Variants in ZNF532 observed in about 807,000 individuals in gnomAD.
ZNF532 encodes the protein zinc finger protein 532.
Under a neutral mutation model 89.3 loss-of-function variants are expected in ZNF532, and 22 were observed. That is an observed-to-expected ratio of 0.25 (90% CI 0.18 to 0.35). The LOEUF (loss-of-function observed/expected upper bound fraction) is 0.35. Among genes scored for constraint, ZNF532 ranks in the 10% least tolerant of loss-of-function variants. ZNF532 has a pLI of 1.00. For synonymous variants in ZNF532, 606 were observed against 649.6 expected (o/e 0.93, Z 1.02); for missense variants, 1,132 against 1,643.4 (o/e 0.69, Z 5.38).
At chr18:58,893,176 A>C (rs1280032087) in intron 2 of ZNF532, among the ~76,000 whole-genome samples, 1 of 151,778 alleles carries the variant, frequency 6.6e-6, no homozygotes, top group Non-Finnish European at 1.5e-5. Flanking sequence ...GCGGGGTTTC[A>C]TGTGTTGGCC....
At chr18:58,964,647 C>T (rs934067960) in intron 7 of ZNF532, among the ~76,000 whole-genome samples, 16 of 150,402 alleles carry the variant, frequency 1.1e-4, no homozygotes, top group Admixed American at 7.3e-4. Context: ...AGTGCAGTGG[C>T]GTGATCATAG....
intron 7 of ZNF532, among the ~76,000 whole-genome samples, chr18:58,958,029 G>A (rs560700020): frequency 6.9e-6 from 1 of 145,506 alleles, no homozygotes; most frequent in Admixed American, 7.3e-5. Flanking sequence ...TTGTGCCACT[G>A]CATTCCAGCC....
At chr18:58,956,153 G>A (rs2064752906) in intron 7 of ZNF532, among the ~76,000 whole-genome samples, 1 of 152,244 alleles carries the variant, frequency 6.6e-6, no homozygotes, top group South Asian at 2.1e-4. Flanking sequence ...GGGATGAAAT[G>A]TACCACTGAT....
At position 58,984,601 on chromosome 18, in the gene ZNF532, C is replaced by A. The variant is rs949051109; in HGVS notation, c.*135C>A. On this transcript the variant is annotated 3_prime_UTR_variant, in exon 10 of 10. Coordinates refer to ENST00000591808, the MANE Select transcript of ZNF532 (RefSeq NM_001375912.1). ...ATATATTCTCTTTCAATGTACCTTC[C>A]TTCACCTCGTCGTATATATCCTCGA... is the stretch of plus-strand genomic sequence containing the variant. 2.8e-6 allele frequency: 3 copies of A among 1,083,796 alleles called. No homozygotes were observed. The African/African-American group carries it at 4.8e-5, about 17-fold the overall frequency. The allele number at this position is 1,083,796 out of a possible 1,614,324, so 67.1% of individuals were successfully genotyped here.
intron 2 of ZNF532, among the ~76,000 whole-genome samples, chr18:58,880,880 G>A (rs1723301500): frequency 6.6e-6 from 1 of 151,994 alleles, no homozygotes; most frequent in African/African-American, 2.4e-5. Flanking sequence ...TAAGCACATA[G>A]TTTAGCACTT....
rs1203410335 is a variant in ZNF532 at position 58,920,226 on chromosome 18, A to T, written c.1939A>T (p.Asn647Tyr). 1 of 1,613,900 alleles carries T rather than the reference A, an allele frequency of 6.2e-7. No homozygotes were observed. Reference protein sequence around the residue: ...RRSVRIEVTCNHCTKNLVFYN... With the variant: ...RRSVRIEVTCYHCTKNLVFYN... ...GAGCGTGCGCATCGAAGTAACGTGC[A>T]ACCATTGTACAAAGAACCTCGTTTT... The change falls in exon 3 of 10, where the codon AAC becomes TAC. Residue 647 changes from asparagine to tyrosine, a missense_variant. This residue lies in a region of ZNF532 where 70 missense variants were observed against 152.1 expected (regional missense o/e 0.46). Coordinates refer to ENST00000591808, the MANE Select transcript of ZNF532 (RefSeq NM_001375912.1).
rs543466762 is a variant in ZNF532 at position 58,880,953 on chromosome 18, T to A, written c.-18+15374T>A. Among the ~76,000 whole-genome samples the A allele has an allele frequency of 1.6e-4, 24 of 152,268 alleles. 1 individual carries two copies. In the East Asian group the frequency reaches 4.4e-3, roughly 28 times the overall value. On this transcript the variant is annotated intron_variant, in intron 2 of 9. Coordinates refer to ENST00000591808, the MANE Select transcript of ZNF532 (RefSeq NM_001375912.1). ...TAGATGGCTCAGAATTTTAAAAAAA[T>A]TCTCTTCTAATCTTGAATGTTAGGA...
intron 7 of ZNF532, among the ~76,000 whole-genome samples, chr18:58,967,075 T>G (rs911154960): frequency 6.6e-6 from 1 of 152,200 alleles, no homozygotes; most frequent in African/African-American, 2.4e-5. Flanking sequence ...ATTAAAGTAA[T>G]AGCAAGACAA....
At chr18:58,981,149 T>G (rs767033619) in intron 8 of ZNF532, 10 of 289,444 alleles carry the variant, frequency 3.5e-5, no homozygotes, top group Non-Finnish European at 4.5e-5. Context: ...ACAGGGATAA[T>G]TAACAGCAGC....
intron 7 of ZNF532, among the ~76,000 whole-genome samples, chr18:58,963,175 A>G (rs1283890672): frequency 6.6e-6 from 1 of 152,256 alleles, no homozygotes; most frequent in Non-Finnish European, 1.5e-5. Flanking sequence ...GATTTACAGC[A>G]TTAGTAAGTC....
chr18:58,918,746 G>A lies in ZNF532; in HGVS notation c.459G>A (p.Glu153=), dbSNP rs763728857. The change falls in exon 3 of 10, where the codon GAG becomes GAA. Residue 153 remains glutamate, a synonymous_variant. Transcript: ENST00000591808. ...KIEVDDPPDK[E]DMRSSFRSNV... ...AGGTGGATGACCCCCCTGACAAGGA[G>A]GACATGCGATCAAGCTTCAGGTCGA... 7 of 1,614,090 alleles carry A rather than the reference G, an allele frequency of 4.3e-6. No homozygotes were observed. Among genetic ancestry groups the A allele is most frequent in the Non-Finnish European group, 5.9e-6 (7 of 1,180,046 alleles).
At chr18:58,900,625 C>T (rs1289872628) in intron 2 of ZNF532, among the ~76,000 whole-genome samples, 1 of 152,156 alleles carries the variant, frequency 6.6e-6, no homozygotes, top group Non-Finnish European at 1.5e-5. Context: ...GTCACCTGCC[C>T]CTCCCTGTCC....
chr18:58,870,829 G>A (rs923603811), intron 2 of ZNF532, among the ~76,000 whole-genome samples: 2 of 152,104 alleles, frequency 1.3e-5, no homozygotes, highest in African/African-American at 2.4e-5. Flanking sequence ...GAGACTGGGT[G>A]TTCTGTCTTT....
rs747931061 is a variant in ZNF532 at position 58,953,757 on chromosome 18, G to C, written c.3108G>C (p.Gln1036His). 1 of 1,614,152 alleles carries C rather than the reference G, an allele frequency of 6.2e-7. No individual in the cohort carries two copies. The highest frequency in any genetic ancestry group is 8.5e-7 in the Non-Finnish European group (1 of 1,179,996). Residue 1036 changes from glutamine to histidine, a missense_variant, in exon 7 of 10, where the codon CAG (glutamine) becomes CAC (histidine). This residue lies in a region of ZNF532 where 415 missense variants were observed against 604.8 expected (regional missense o/e 0.69). Coordinates refer to ENST00000591808, the MANE Select transcript of ZNF532 (RefSeq NM_001375912.1). The stretch of plus-strand genomic sequence containing the variant: ...GGGAGTGTGACTGCCTGTTCATGCA[G>C]AGAGATGTGTACATATCCCACGTGA... ...TCWECDCLFM[Q>H]RDVYISHVRK...
Position 58,919,552 on chromosome 18 carries a change from C to A in ZNF532, c.1265C>A (p.Ala422Glu). The A allele has an allele frequency of 6.2e-7, 1 of 1,614,210 alleles. No homozygotes were observed. ...GCCGTCCTTTCCTCTCCCCCCAGGG[C>A]GCCTCTCCAGTCTGCGGTCGTGACC... The part of the protein sequence containing the change: ...SAAVLSSPPR[A>E]PLQSAVVTNA... The change falls in exon 3 of 10, where the codon GCG becomes GAG. Residue 422 changes from alanine to glutamate, a missense_variant. Coordinates refer to ENST00000591808, the MANE Select transcript of ZNF532 (RefSeq NM_001375912.1). This position sits in a 1 kb window ranked among gnomAD's most constrained non-coding sequence, Gnocchi z 6.1.
intron 2 of ZNF532, among the ~76,000 whole-genome samples, chr18:58,891,164 C>G (rs2058871343): frequency 6.6e-6 from 1 of 152,118 alleles, no homozygotes; most frequent in South Asian, 2.1e-4. Context: ...TGTGATCTGC[C>G]TGCCTCGGCC....
chr18:58,908,961 GT>G (rs905170626), intron 2 of ZNF532, among the ~76,000 whole-genome samples: 7 of 152,064 alleles, frequency 4.6e-5, no homozygotes, highest in East Asian at 1.9e-4. Context: ...GCCTGAAGAT[GT>G]TTTTTTTGGA....
chr18:58,907,070 C>A (rs879513715), intron 2 of ZNF532, among the ~76,000 whole-genome samples: 4 of 152,218 alleles, frequency 2.6e-5, no homozygotes, highest in Admixed American at 2.6e-4. Flanking sequence ...TCACAGGTCT[C>A]ACCTCCTCCT....
intron 3 of ZNF532, among the ~76,000 whole-genome samples, chr18:58,929,497 C>G (rs2061782646): frequency 6.6e-6 from 1 of 152,202 alleles, no homozygotes; most frequent in South Asian, 2.1e-4. Context: ...TAGCTGAAGA[C>G]TTGTGACCCT....
Sources: allele counts gnomAD v4.1 joint callset (sites outside exome capture counted in the v4.1 genomes callset), GRCh38; gene constraint gnomAD v4.1.1; regional missense constraint gnomAD v4.1.1; non-coding constraint Gnocchi (gnomAD v3.1); transcripts MANE v1.5; gene names NCBI Gene and HGNC (gene_info 2026-07-23, HGNC 2026-07-21).